The following CNTNAP4 variants were observed in gnomAD, a reference collection of about 807,000 sequenced individuals.
CNTNAP4 encodes the protein contactin-associated protein-like 4.
Under a neutral mutation model 148.4 loss-of-function variants are expected in CNTNAP4, and 98 were observed. The observed-to-expected ratio is 0.66, with a 90% CI of 0.56 to 0.78. The LOEUF (loss-of-function observed/expected upper bound fraction) is 0.78, where lower values mean the gene tolerates loss of function less well. CNTNAP4 is among the 30% of genes least tolerant of loss of function. CNTNAP4 has a pLI of 0.00. For missense variants in CNTNAP4, 1,935 were observed against 1,565.6 expected (o/e 1.24, Z -3.98); for synonymous variants, 730 against 565.1 (o/e 1.29, Z -4.14).
At chr16:76,373,877 A>G (rs2015124389) in intron 3 of CNTNAP4, among the ~76,000 whole-genome samples, 1 of 146,456 alleles carries the variant, frequency 6.8e-6, no homozygotes, top group Non-Finnish European at 1.5e-5. Context: ...CCTGGGTGAC[A>G]AGAGTGAAAC....
chr16:76,375,662 G>T (rs1291360019), intron 3 of CNTNAP4, among the ~76,000 whole-genome samples: 1 of 152,102 alleles, frequency 6.6e-6, no homozygotes, highest in African/African-American at 2.4e-5. Context: ...TGTAGTAAAT[G>T]TGAGTAGATC....
chr16:76,342,334 C>T (rs976308623), intron 2 of CNTNAP4, among the ~76,000 whole-genome samples: 1 of 152,078 alleles, frequency 6.6e-6, no homozygotes, highest in African/African-American at 2.4e-5. Context: ...TTCTTCTTCT[C>T]AGTTATGCAT....
At chr16:76,474,497 A>G (rs945674015) in intron 10 of CNTNAP4, among the ~76,000 whole-genome samples, 1 of 152,222 alleles carries the variant, frequency 6.6e-6, no homozygotes, top group Admixed American at 6.5e-5. Flanking sequence ...TCTTTCAGAT[A>G]AAATTGGAAA....
At chr16:76,547,831 A>C (rs1032622236) in intron 21 of CNTNAP4, among the ~76,000 whole-genome samples, 2 of 152,224 alleles carry the variant, frequency 1.3e-5, no homozygotes, top group African/African-American at 4.8e-5. Flanking sequence ...GGTCTGAGAG[A>C]AGAGGATGTC....
intron 10 of CNTNAP4, among the ~76,000 whole-genome samples, chr16:76,473,594 A>T (rs2081447593): frequency 6.6e-6 from 1 of 152,092 alleles, no homozygotes; most frequent in Non-Finnish European, 1.5e-5. Flanking sequence ...TAACATGGTG[A>T]AGCCCCGTCT....
chr16:76,525,754 C>CTTTTA (rs1555593402), intron 17 of CNTNAP4, among the ~76,000 whole-genome samples: 6 of 146,012 alleles, frequency 4.1e-5, no homozygotes, highest in Non-Finnish European at 7.5e-5. Flanking sequence ...TATAATATAG[C>CTTTTA]TTATATATAA....
chr16:76,399,377 A>G (rs183294354), intron 3 of CNTNAP4, among the ~76,000 whole-genome samples: 2 of 152,360 alleles, frequency 1.3e-5, no homozygotes, highest in South Asian at 2.1e-4. Context: ...CTGCAAAGCA[A>G]TAAGCTACCA....
chr16:76,520,315 G>C (rs1035872843), intron 15 of CNTNAP4, among the ~76,000 whole-genome samples: 1 of 151,876 alleles, frequency 6.6e-6, no homozygotes, highest in African/African-American at 2.4e-5. Context: ...ATATTTTTTC[G>C]AAAGAAAAGT....
chr16:76,451,432 C>T (rs1325682015), intron 7 of CNTNAP4, among the ~76,000 whole-genome samples: 1 of 152,042 alleles, frequency 6.6e-6, no homozygotes. Flanking sequence ...CATGTGTCAG[C>T]AAATCCCAAA....
intron 3 of CNTNAP4, among the ~76,000 whole-genome samples, chr16:76,376,438 G>T (rs1031542040): frequency 6.6e-6 from 1 of 152,186 alleles, no homozygotes; most frequent in Non-Finnish European, 1.5e-5. Flanking sequence ...GAAGAGACAT[G>T]TCTTCTTATT....
intron 3 of CNTNAP4, among the ~76,000 whole-genome samples, chr16:76,392,476 G>T (rs1361763733): frequency 6.6e-6 from 1 of 152,066 alleles, no homozygotes; most frequent in South Asian, 2.1e-4. Flanking sequence ...ACAGAATTCC[G>T]CAAATCTACT....
At chr16:76,328,448 C>A (rs1963209069) in intron 2 of CNTNAP4, among the ~76,000 whole-genome samples, 1 of 152,140 alleles carries the variant, frequency 6.6e-6, no homozygotes, top group African/African-American at 2.4e-5. Flanking sequence ...GAGACGTGAT[C>A]ACTAAATGTA....
chr16:76,451,501 G>A (rs2080469885), intron 7 of CNTNAP4, among the ~76,000 whole-genome samples: 1 of 151,764 alleles, frequency 6.6e-6, no homozygotes, highest in South Asian at 2.1e-4. Context: ...ATGTGAATTG[G>A]TGGTATTTAT....
At chr16:76,397,695 C>T (rs1319884756) in intron 3 of CNTNAP4, among the ~76,000 whole-genome samples, 2 of 151,130 alleles carry the variant, frequency 1.3e-5, no homozygotes, top group Non-Finnish European at 2.9e-5. Flanking sequence ...AAGGCCTGGA[C>T]CATAAAGTAC....
chr16:76,355,040 C>T (rs1478460220), intron 2 of CNTNAP4, among the ~76,000 whole-genome samples: 1 of 152,110 alleles, frequency 6.6e-6, no homozygotes, highest in East Asian at 1.9e-4. Flanking sequence ...GGAATGTTCA[C>T]CTATCATATT....
intron 1 of CNTNAP4, among the ~76,000 whole-genome samples, chr16:76,282,312 T>A (rs1958718883): frequency 6.6e-6 from 1 of 151,898 alleles, no homozygotes. Context: ...TAATCTCAAG[T>A]GGTCTTGTTA....
In CNTNAP4 at chr16:76,520,398, G is replaced by A. The variant is rs1183754024; in HGVS notation, c.2366-742G>A. ...GGCAGCAATTATAATTAACTTTATA[G>A]TCTACATTTTTTTCAGATCTCTTAA... is the stretch of plus-strand genomic sequence containing the variant. On this transcript the variant is annotated intron_variant, in intron 15 of 23. Coordinates refer to ENST00000611870, the MANE Select transcript of CNTNAP4 (RefSeq NM_033401.5). Among the ~76,000 whole-genome samples, 14 of 152,156 alleles carry A rather than the reference G, an allele frequency of 9.2e-5. 1 individual carries two copies. Among genetic ancestry groups the A allele is most frequent in the Admixed American group, 9.2e-4 (14 of 15,252 alleles).
intron 3 of CNTNAP4, among the ~76,000 whole-genome samples, chr16:76,418,269 T>C (rs997432792): frequency 6.6e-6 from 1 of 151,364 alleles, no homozygotes; most frequent in Non-Finnish European, 1.5e-5. Context: ...CCCACAATTC[T>C]TGATACTATC....
chr16:76,436,746 T>C (rs1232568805), intron 4 of CNTNAP4, among the ~76,000 whole-genome samples: 2 of 152,146 alleles, frequency 1.3e-5, no homozygotes, highest in Non-Finnish European at 2.9e-5. Context: ...GCATTAATTT[T>C]GCCTAACTCT....
Sources: allele counts gnomAD v4.1 joint callset (sites outside exome capture counted in the v4.1 genomes callset), GRCh38; gene constraint gnomAD v4.1.1; transcripts MANE v1.5; gene names NCBI Gene and HGNC (gene_info 2026-07-23, HGNC 2026-07-21).